BRIP1: variants seen among roughly 807,000 people sequenced by gnomAD.
The protein encoded by BRIP1 is Fanconi anemia group J protein.
A neutral mutation model predicts 119.7 loss-of-function variants in BRIP1; 88 were observed. The ratio of observed to expected loss-of-function variants is 0.74; its 90% CI spans 0.62 to 0.88. The LOEUF (loss-of-function observed/expected upper bound fraction) is 0.88, where lower values mean the gene tolerates loss of function less well. Among genes scored for constraint, BRIP1 ranks in the 40% least tolerant of loss-of-function variants. The probability of loss-of-function intolerance (pLI) is 0.00; values close to 1 mark genes in which losing one functional copy is unlikely to be tolerated. For synonymous variants in BRIP1, 443 were observed against 496.5 expected (o/e 0.89, Z 1.43); for missense variants, 1,259 against 1,455.4 (o/e 0.87, Z 2.20).
Position 61,722,310 on chromosome 17 carries a change from A to T in BRIP1, c.2380-6247T>A, listed in dbSNP as rs887228947. Among the ~76,000 whole-genome samples the T allele has an allele frequency of 7.9e-5, 12 of 151,992 alleles. No homozygotes were observed. The highest frequency in any genetic ancestry group is 1.3e-4 in the Non-Finnish European group (9 of 67,988). ...TCTGCCTCGGCTTCCCAAAGGGCTG[A>T]GATTACAGGCATGGAGCCACTGCCC... On this transcript the variant is annotated intron_variant, in intron 16 of 19. Transcript: ENST00000259008. This position sits in a 1 kb window ranked among gnomAD's most constrained non-coding sequence, Gnocchi z 4.6.
At chr17:61,850,359 CCA>C (rs1048028741) in intron 4 of BRIP1, among the ~76,000 whole-genome samples, 30 of 152,056 alleles carry the variant, frequency 2.0e-4, no homozygotes, top group African/African-American at 7.2e-4. Context: ...GCCTAGCCTC[CCA>C]AAGTGCTGGG....
chr17:61,841,341 C>T lies in BRIP1; in HGVS notation c.627+5760G>A, dbSNP rs562666113. ...AGAAGGGACTACTATCCAGAATATACAAGGAACTCAACAGCAAAAAAAAAA... is the reference window on the plus strand; with the variant it reads ...AGAAGGGACTACTATCCAGAATATATAAGGAACTCAACAGCAAAAAAAAAA... On this transcript the variant is annotated intron_variant, in intron 6 of 19. Transcript: ENST00000259008. This position sits in a 1 kb window ranked among gnomAD's most constrained non-coding sequence, Gnocchi z 4.1. 6.7e-6 allele frequency among the ~76,000 whole-genome samples: 1 copy of T among 149,670 alleles called. No homozygotes were observed. Among genetic ancestry groups the T allele is most frequent in the East Asian group, 2.0e-4 (1 of 5,122 alleles).
chr17:61,814,808 C>T lies in BRIP1; in HGVS notation c.628-6051G>A, dbSNP rs1187268627. Among the ~76,000 whole-genome samples the T allele has an allele frequency of 6.6e-6, 1 of 151,944 alleles. No homozygotes were observed. The highest frequency in any genetic ancestry group is 6.6e-5 in the Admixed American group (1 of 15,250). On this transcript the variant is annotated intron_variant, in intron 6 of 19. Coordinates refer to ENST00000259008, the MANE Select transcript of BRIP1 (RefSeq NM_032043.3). This position sits in a 1 kb window ranked among gnomAD's most constrained non-coding sequence, Gnocchi z 4.9. ...TTTTAATAGTGAGAAAAACAAGCTACATGTATCAACAGAAGGAATGGATGA... is the reference window on the plus strand; with the variant it reads ...TTTTAATAGTGAGAAAAACAAGCTATATGTATCAACAGAAGGAATGGATGA...
Position 61,828,932 on chromosome 17 carries a change from T to C in BRIP1, c.627+18169A>G, listed in dbSNP as rs2078448974. Reference sequence around the variant, plus strand: ...ATTTGAAGGTACACTGTGATAAGTTTAAGATGCAAAGTATGAAGCAACTCA... The same window carrying C: ...ATTTGAAGGTACACTGTGATAAGTTCAAGATGCAAAGTATGAAGCAACTCA... On this transcript the variant is annotated intron_variant, in intron 6 of 19. Transcript: ENST00000259008. This position sits in a 1 kb window ranked among gnomAD's most constrained non-coding sequence, Gnocchi z 4.1. Among the ~76,000 whole-genome samples, 1 of 152,162 alleles carries C rather than the reference T, an allele frequency of 6.6e-6. No homozygotes were observed. The highest frequency in any genetic ancestry group is 1.5e-5 in the Non-Finnish European group (1 of 68,008).
At chr17:61,826,746 A>AC (rs2078414460) in intron 6 of BRIP1, among the ~76,000 whole-genome samples, 1 of 150,014 alleles carries the variant, frequency 6.7e-6, no homozygotes, top group Non-Finnish European at 1.5e-5. Flanking sequence ...AAAAAAAAAA[A>AC]AAAAAAAAAA....
At chr17:61,772,326 T>C (rs1267704937) in intron 14 of BRIP1, among the ~76,000 whole-genome samples, 1 of 151,478 alleles carries the variant, frequency 6.6e-6, no homozygotes, top group African/African-American at 2.4e-5. Context: ...TACTGTATGA[T>C]TCCACTTATA....
rs1470784755 is a variant in BRIP1, at chr17:61,755,097, T to C, written c.2098-10506A>G. Among the ~76,000 whole-genome samples the C allele has an allele frequency of 1.3e-5, 2 of 152,218 alleles. No homozygotes were observed. The highest frequency in any genetic ancestry group is 3.8e-4 in the East Asian group (2 of 5,200). On this transcript the variant is annotated intron_variant, in intron 14 of 19. Transcript: ENST00000259008. The surrounding 1 kb of genome is among the most constrained non-coding windows in gnomAD (Gnocchi z 4.5). ...TTTTGTCTGTTTTACTTACTGCTGA[T>C]TGCCCAGTGCATAGAACAGTACCTT...
Position 61,751,944 on chromosome 17 carries a change from T to G in BRIP1, c.2098-7353A>C, listed in dbSNP as rs540135815. On this transcript the variant is annotated intron_variant, in intron 14 of 19. Transcript: ENST00000259008. This position sits in a 1 kb window ranked among gnomAD's most constrained non-coding sequence, Gnocchi z 6.7. ...CCACCACACCTGACTAATTTTTGTA[T>G]TTTTAGTAGAGACGGGGTTTCACCA... Among the ~76,000 whole-genome samples the G allele has an allele frequency of 8.4e-4, 128 of 152,218 alleles. No individual in the cohort carries two copies. The South Asian group carries it at 0.011, about 13-fold the overall frequency.
chr17:61,725,066 A>C lies in BRIP1; in HGVS notation c.2380-9003T>G, dbSNP rs1157590992. On this transcript the variant is annotated intron_variant, in intron 16 of 19. Coordinates refer to ENST00000259008, the MANE Select transcript of BRIP1 (RefSeq NM_032043.3). The surrounding 1 kb of genome is among the most constrained non-coding windows in gnomAD (Gnocchi z 5.3). ...AATTTAGCTAGATTAAAAAGAATAT[A>C]GCTGGTTTTATTTCATCTGGCATAT... Among the ~76,000 whole-genome samples the C allele has an allele frequency of 1.3e-5, 2 of 152,160 alleles. No homozygotes were observed. The highest frequency in any genetic ancestry group is 2.9e-5 in the Non-Finnish European group (2 of 68,022).
rs2061296981 is a variant in BRIP1 at position 61,683,344 on chromosome 17, A to G, written c.3702T>C (p.Phe1234=). ...GKTHEIEIKN[F]KPSPSKNKGM... ...CTTTATTTTTGGAAGGAGATGGTTTAAAGTTCTTTATTTCTATTTCATGAG... is the reference window on the plus strand; with the variant it reads ...CTTTATTTTTGGAAGGAGATGGTTTGAAGTTCTTTATTTCTATTTCATGAG... Residue 1234 remains phenylalanine, a synonymous_variant, in exon 20 of 20, where the codon TTT becomes TTC. Coordinates refer to ENST00000259008, the MANE Select transcript of BRIP1 (RefSeq NM_032043.3). This position sits in a 1 kb window ranked among gnomAD's most constrained non-coding sequence, Gnocchi z 4.7. 1 of 1,611,410 alleles carries G rather than the reference A, an allele frequency of 6.2e-7. No individual in the cohort carries two copies. The highest frequency in any genetic ancestry group is 1.3e-5 in the African/African-American group (1 of 74,832).
In BRIP1 at chr17:61,793,847, G is replaced by T; in HGVS notation, c.1341-118C>A. ...GATCTGTATATCTTGACATTCTTAG[G>T]ACATGAATGTGGATTAATTAAGACA... is the stretch of plus-strand genomic sequence containing the variant. On this transcript the variant is annotated intron_variant, in intron 9 of 19. Transcript: ENST00000259008. This position sits in a 1 kb window ranked among gnomAD's most constrained non-coding sequence, Gnocchi z 5.2. The T allele has an allele frequency of 9.6e-7, 1 of 1,040,872 alleles. No homozygotes were observed. 64.5% of individuals were successfully genotyped at this position (1,040,872 alleles called of 1,614,324 possible).
rs1417585756 is a variant in BRIP1 at position 61,691,378 on chromosome 17, A to T, written c.2575+2052T>A. Among the ~76,000 whole-genome samples, 1 of 152,236 alleles carries T rather than the reference A, an allele frequency of 6.6e-6. No individual in the cohort carries two copies. Among genetic ancestry groups the T allele is most frequent in the African/African-American group, 2.4e-5 (1 of 41,468 alleles). On this transcript the variant is annotated intron_variant, in intron 18 of 19. Coordinates refer to ENST00000259008, the MANE Select transcript of BRIP1 (RefSeq NM_032043.3). This position sits in a 1 kb window ranked among gnomAD's most constrained non-coding sequence, Gnocchi z 5.0. ...TATAAAACATTGCTGAAAAACAGTA[A>T]AGATAACACAAATAAATGGAAAGAT...
In BRIP1 at chr17:61,808,399, A is replaced by G; in HGVS notation, c.918+68T>C. 1 of 1,480,402 alleles carries G rather than the reference A, an allele frequency of 6.8e-7. No homozygotes were observed. The highest frequency in any genetic ancestry group is 1.7e-5 in the Admixed American group (1 of 59,542). The allele number at this position is 1,480,402 out of a possible 1,614,324, so 91.7% of individuals were successfully genotyped here. A position where few individuals can be genotyped will look rare whatever the true frequency, so the allele number is the denominator to read the frequency against. ...GATTATCACTAAAATGTACATATAA[A>G]ACACATACTGAGTAATTTAAATATT... On this transcript the variant is annotated intron_variant, in intron 7 of 19. Transcript: ENST00000259008. The surrounding 1 kb of genome is among the most constrained non-coding windows in gnomAD (Gnocchi z 4.1).
chr17:61,754,654 G>A lies in BRIP1; in HGVS notation c.2098-10063C>T, dbSNP rs1018907473. On this transcript the variant is annotated intron_variant, in intron 14 of 19. Coordinates refer to ENST00000259008, the MANE Select transcript of BRIP1 (RefSeq NM_032043.3). This position sits in a 1 kb window ranked among gnomAD's most constrained non-coding sequence, Gnocchi z 4.1. ...GCCACAGATTGAGTGGCTTAAACAA[G>A]AGAAATTTATTTCTTACTTCTTGGC... Among the ~76,000 whole-genome samples, 1 of 152,158 alleles carries A rather than the reference G, an allele frequency of 6.6e-6. No homozygotes were observed. Among genetic ancestry groups the A allele is most frequent in the Non-Finnish European group, 1.5e-5 (1 of 68,032 alleles).
chr17:61,714,886 C>G (rs973547302), intron 17 of BRIP1, among the ~76,000 whole-genome samples: 2 of 151,138 alleles, frequency 1.3e-5, no homozygotes, highest in Non-Finnish European at 1.5e-5. Flanking sequence ...ACTGCAACCC[C>G]CACCTCCCAG....
chr17:61,725,885 C>T lies in BRIP1; in HGVS notation c.2380-9822G>A, dbSNP rs540176822. Among the ~76,000 whole-genome samples, 1 of 152,262 alleles carries T rather than the reference C, an allele frequency of 6.6e-6. No individual in the cohort carries two copies. The highest frequency in any genetic ancestry group is 2.1e-4 in the South Asian group (1 of 4,828). ...CAAACAATCCTCCTGTCTTGGCCTC[C>T]CAAAGCTGTGGGATTAAGGTGTTAT... On this transcript the variant is annotated intron_variant, in intron 16 of 19. Transcript: ENST00000259008. This position sits in a 1 kb window ranked among gnomAD's most constrained non-coding sequence, Gnocchi z 5.3.
chr17:61,755,072 T>G lies in BRIP1; in HGVS notation c.2098-10481A>C, dbSNP rs1345661568. Among the ~76,000 whole-genome samples the G allele has an allele frequency of 6.6e-6, 1 of 152,212 alleles. No individual in the cohort carries two copies. Among genetic ancestry groups the G allele is most frequent in the Non-Finnish European group, 1.5e-5 (1 of 68,038 alleles). ...CCCTGGAATACAAAAGGACAATGAT[T>G]TTTGTCTGTTTTACTTACTGCTGAT... On this transcript the variant is annotated intron_variant, in intron 14 of 19. Coordinates refer to ENST00000259008, the MANE Select transcript of BRIP1 (RefSeq NM_032043.3). This position sits in a 1 kb window ranked among gnomAD's most constrained non-coding sequence, Gnocchi z 4.5.
In BRIP1 at chr17:61,789,658, A is replaced by C. The variant is rs2077785729; in HGVS notation, c.1473+3939T>G. On this transcript the variant is annotated intron_variant, in intron 10 of 19. Transcript: ENST00000259008. The surrounding 1 kb of genome is among the most constrained non-coding windows in gnomAD (Gnocchi z 4.8). ...ATATTTCAACTTATCAGATTAATCA[A>C]TTTAGAATAAGTACACTCATAAAAA... 6.6e-6 allele frequency among the ~76,000 whole-genome samples: 1 copy of C among 152,216 alleles called. No homozygotes were observed. The highest frequency in any genetic ancestry group is 1.5e-5 in the Non-Finnish European group (1 of 68,026).
intron 14 of BRIP1, among the ~76,000 whole-genome samples, chr17:61,765,775 T>C (rs2144908026): frequency 6.7e-6 from 1 of 149,764 alleles, no homozygotes; most frequent in East Asian, 2.0e-4. Context: ...AAACCAGATG[T>C]GATACAAATA....
Sources: gnomAD v4.1 joint callset for allele counts (sites outside exome capture counted in the v4.1 genomes callset) on GRCh38, gnomAD v4.1.1 for gene constraint, Gnocchi (gnomAD v3.1) non-coding constraint, MANE v1.5 for transcripts, NCBI Gene and HGNC (gene_info 2026-07-23, HGNC 2026-07-21) for gene names.